Variants in PCNX2 observed in about 807,000 individuals in gnomAD.
The protein encoded by PCNX2 is pecanex-like protein 2.
Under a neutral mutation model 223.8 loss-of-function variants are expected in PCNX2, and 168 were observed. That is an observed-to-expected ratio of 0.75 (90% CI 0.66 to 0.85). The LOEUF (loss-of-function observed/expected upper bound fraction) is 0.85. PCNX2 is among the 40% of genes least tolerant of loss of function. PCNX2 has a pLI of 0.00. For missense variants in PCNX2, 2,507 were observed against 2,675.5 expected (o/e 0.94, Z 1.39); for synonymous variants, 1,006 against 1,052.6 (o/e 0.96, Z 0.86).
chr1:233,133,199 A>G (rs1439026138), intron 21 of PCNX2, among the ~76,000 whole-genome samples: 1 of 152,156 alleles, frequency 6.6e-6, no homozygotes, highest in Non-Finnish European at 1.5e-5. Context: ...GTGCCAGGCC[A>G]CATTTTACAT....
At chr1:233,240,780 T>C (rs1213341889) in intron 8 of PCNX2, among the ~76,000 whole-genome samples, 1 of 152,026 alleles carries the variant, frequency 6.6e-6, no homozygotes, top group Non-Finnish European at 1.5e-5. Flanking sequence ...ATGGAAGGAG[T>C]TGGGCCTCAA....
chr1:233,172,128 T>C (rs1679188837), intron 17 of PCNX2, among the ~76,000 whole-genome samples: 1 of 152,218 alleles, frequency 6.6e-6, no homozygotes, highest in African/African-American at 2.4e-5. Context: ...TCTTTAAGCA[T>C]CTTAAGTATA....
intron 13 of PCNX2, among the ~76,000 whole-genome samples, chr1:233,202,851 C>T (rs575328401): frequency 6.6e-6 from 1 of 152,178 alleles, no homozygotes; most frequent in Non-Finnish European, 1.5e-5. Context: ...TGATAAACAA[C>T]CCATCCAGTG....
intron 1 of PCNX2, among the ~76,000 whole-genome samples, chr1:233,263,581 G>A (rs368043590): frequency 1.6e-4 from 24 of 151,154 alleles, no homozygotes; most frequent in Admixed American, 9.9e-4. Flanking sequence ...TCAGCCTCCC[G>A]AGGAGCTGGG....
At chr1:233,235,957 A>AAAAAATATATATATATATATATAT (rs369886650) in intron 9 of PCNX2, among the ~76,000 whole-genome samples, 34 of 93,092 alleles carry the variant, frequency 3.7e-4, no homozygotes, top group Non-Finnish European at 4.1e-4. Context: ...CATAAAAAAA[A>AAAAAATATATATATATATATATAT]ATATATATAT....
chr1:233,266,346 A>C (rs916462700), intron 1 of PCNX2, among the ~76,000 whole-genome samples: 1 of 152,150 alleles, frequency 6.6e-6, no homozygotes, highest in Non-Finnish European at 1.5e-5. Context: ...TGTCTTATTC[A>C]TAATTAATTA....
chr1:233,186,107 GA>G (rs1188924208), intron 15 of PCNX2, among the ~76,000 whole-genome samples: 2 of 152,316 alleles, frequency 1.3e-5, no homozygotes, highest in East Asian at 3.9e-4. Flanking sequence ...TTATGGGACA[GA>G]CTAACTGAGT....
At chr1:233,250,963 C>A in intron 7 of PCNX2, 131 bp from the exon 8 acceptor site, 1 of 957,850 alleles carries the variant, frequency 1.0e-6, no homozygotes, top group Non-Finnish European at 1.5e-6. Context: ...CAATCGGGGT[C>A]CATTCTTTAT....
chr1:232,987,432 C>A (rs1016010282), intron 32 of PCNX2, among the ~76,000 whole-genome samples: 5 of 152,208 alleles, frequency 3.3e-5, no homozygotes, highest in Non-Finnish European at 5.9e-5. Context: ...TCCATGATCA[C>A]TAGGGGCTAA....
At chr1:233,110,719 A>G (rs1235875556) in intron 21 of PCNX2, among the ~76,000 whole-genome samples, 2 of 151,986 alleles carry the variant, frequency 1.3e-5, no homozygotes, top group African/African-American at 4.8e-5. Context: ...AAGAATAAAT[A>G]TATGACAATA....
chr1:233,248,864 T>A (rs1278836294), intron 8 of PCNX2, among the ~76,000 whole-genome samples: 2 of 152,036 alleles, frequency 1.3e-5, no homozygotes, highest in East Asian at 1.9e-4. Flanking sequence ...CAACACAACC[T>A]CACCAAAAGC....
At position 233,259,105 on chromosome 1, in the gene PCNX2, AG is replaced by A. The variant is rs770163792; in HGVS notation, c.756del (p.Leu253Ter). Reference sequence around the variant, plus strand: ...AAAGACAGGTGGGGCAACTTCTTCAAGGGTCCCTTATCCACTAAGCCACCCT... The same window carrying A: ...AAAGACAGGTGGGGCAACTTCTTCAAGGTCCCTTATCCACTAAGCCACCCT... ...RSEGGLVDKGPLKKLPHLSLS... is the reference protein window; with the variant it reads ...RSEGGLVDKGXLKKLPHLSLS... On this transcript the variant is annotated frameshift_variant, in exon 5 of 34. Coordinates refer to ENST00000258229, the MANE Select transcript of PCNX2 (RefSeq NM_014801.4). LOFTEE classifies it high-confidence loss of function. The A allele has an allele frequency of 2.5e-6, 4 of 1,613,978 alleles. No individual in the cohort carries two copies. In the South Asian group the frequency reaches 3.3e-5, roughly 13 times the overall value.
chr1:233,018,931 G>A (rs3766482), intron 26 of PCNX2: 358,327 of 985,120 alleles, frequency 0.36, 67,577 homozygotes, highest in African/African-American at 0.61. Context: ...GGACGGAAAC[G>A]AAGTCTTCAG....
chr1:233,185,202 G>A (rs979798417), intron 15 of PCNX2, among the ~76,000 whole-genome samples: 2 of 151,490 alleles, frequency 1.3e-5, no homozygotes, highest in East Asian at 1.9e-4. Context: ...CAACATCATG[G>A]GTTATCCCTT....
chr1:233,097,715 C>T (rs1326051088), intron 21 of PCNX2, among the ~76,000 whole-genome samples: 2 of 152,168 alleles, frequency 1.3e-5, no homozygotes, highest in Non-Finnish European at 2.9e-5. Context: ...CATTTCCCTA[C>T]CATCTTACTT....
intron 2 of PCNX2, among the ~76,000 whole-genome samples, 162 bp downstream of exon 2, chr1:233,262,795 TA>T (rs1660126339): frequency 6.6e-6 from 1 of 152,250 alleles, no homozygotes; most frequent in South Asian, 2.1e-4. Context: ...CCATCTTGAT[TA>T]TGAATATCAA....
chr1:233,221,485 C>T (rs1280213092), intron 10 of PCNX2, among the ~76,000 whole-genome samples: 1 of 152,132 alleles, frequency 6.6e-6, no homozygotes, highest in Non-Finnish European at 1.5e-5. Flanking sequence ...TTCCTCTGCC[C>T]CCAGGTTCCC....
At chr1:233,068,262 C>T (rs1672704508) in intron 23 of PCNX2, among the ~76,000 whole-genome samples, 1 of 151,542 alleles carries the variant, frequency 6.6e-6, no homozygotes, top group African/African-American at 2.4e-5. Flanking sequence ...AAGGCATTCT[C>T]AAAGGAAGAA....
chr1:233,045,741 T>C (rs930297656), intron 25 of PCNX2, among the ~76,000 whole-genome samples: 2 of 152,206 alleles, frequency 1.3e-5, no homozygotes, highest in African/African-American at 2.4e-5. Context: ...GTGGAATGCA[T>C]TCTGGAAGGG....
Sources: allele counts gnomAD v4.1 joint callset (sites outside exome capture counted in the v4.1 genomes callset), GRCh38; gene constraint gnomAD v4.1.1; transcripts MANE v1.5; gene names NCBI Gene and HGNC (gene_info 2026-07-23, HGNC 2026-07-21).